CYP4Z1: variants seen among roughly 807,000 people sequenced by gnomAD.
CYP4Z1 encodes cytochrome P450 family 4 subfamily Z member 1, also known as cytochrome P450 4Z1.
CYP4Z1 carries 41 observed loss-of-function variants against 54.2 expected under a neutral mutation model. That is an observed-to-expected ratio of 0.76 (90% confidence interval 0.59 to 0.98). The LOEUF is 0.98. Among genes scored for constraint, CYP4Z1 ranks in the 50% least tolerant of loss-of-function variants. The probability of loss-of-function intolerance (pLI) is 0.00; values close to 1 mark genes in which losing one functional copy is unlikely to be tolerated. For missense variants in CYP4Z1, 513 were observed against 599.0 expected (o/e 0.86, Z 1.50); for synonymous variants, 163 against 206.2 (o/e 0.79, Z 1.79).
chr1:47,079,767 T>A (rs1226078789), intron 2 of CYP4Z1, among the ~76,000 whole-genome samples: 5 of 151,868 alleles, frequency 3.3e-5, no homozygotes, highest in African/African-American at 9.7e-5. Context: ...AGTGAAGGGA[T>A]AGATCAGGTT....
intron 7 of CYP4Z1, among the ~76,000 whole-genome samples, chr1:47,097,432 G>A (rs1390491258): frequency 6.6e-6 from 1 of 152,026 alleles, no homozygotes; most frequent in East Asian, 1.9e-4. Flanking sequence ...TTTTGTCTGG[G>A]GTTTTTATAG....
intron 6 of CYP4Z1, among the ~76,000 whole-genome samples, chr1:47,091,431 A>G (rs531842531): frequency 6.9e-6 from 1 of 144,178 alleles, no homozygotes; most frequent in East Asian, 2.2e-4. Context: ...TTGTGGTGAT[A>G]TTTTATAGGA....
intron 6 of CYP4Z1, among the ~76,000 whole-genome samples, chr1:47,090,548 TAA>T (rs1036249652): frequency 3.9e-5 from 6 of 152,386 alleles, no homozygotes; most frequent in Admixed American, 2.0e-4. Context: ...AAATATGCGT[TAA>T]AAAGAGGTTT....
Position 47,092,348 on chromosome 1 carries a change from A to C in CYP4Z1, c.773-2218A>C, listed in dbSNP as rs2813850. On this transcript the variant is annotated intron_variant, in intron 6 of 11. Coordinates refer to ENST00000334194, the MANE Select transcript of CYP4Z1 (RefSeq NM_178134.3). ...TATTATAAAAGACCAAAGTGGCCAC[A>C]TTCAGGAGGTTCTCTAAGGTGCTAT... 1.6e-3 allele frequency among the ~76,000 whole-genome samples: 246 copies of C among 151,904 alleles called. 2 individuals carry two copies. Among genetic ancestry groups the C allele is most frequent in the African/African-American group, 3.2e-3 (134 of 41,246 alleles).
intron 8 of CYP4Z1, among the ~76,000 whole-genome samples, chr1:47,101,548 G>C (rs1225397635): frequency 6.6e-6 from 1 of 151,966 alleles, no homozygotes; most frequent in South Asian, 2.1e-4. Flanking sequence ...CCATGTATTT[G>C]TACAGTTTCT....
chr1:47,067,598 G>A lies in CYP4Z1; in HGVS notation c.108G>A (p.Arg36=). The stretch of plus-strand genomic sequence containing the variant: ...AGGTAATCAGGTTGTACCAGAGGAG[G>A]AGATGGATGATCAGAGCCCTGCACC... ...LFQVIRLYQR[R]RWMIRALHLF... is the part of the protein sequence containing the mutation. Residue 36 remains arginine (R), a synonymous_variant, in exon 1 of 12, where the codon AGG becomes AGA. Transcript: ENST00000334194. 1 of 1,613,680 alleles carries A rather than the reference G, an allele frequency of 6.2e-7. No individual in the cohort carries two copies. The highest frequency in any genetic ancestry group is 2.2e-5 in the East Asian group (1 of 44,868).
chr1:47,061,793 T>C, the CYP4Z1 span, among the ~76,000 whole-genome samples: 2 of 152,134 alleles, frequency 1.3e-5, no homozygotes, highest in Non-Finnish European at 2.9e-5. Flanking sequence ...ACAAAATACT[T>C]GCAAACCAAT....
the CYP4Z1 span, among the ~76,000 whole-genome samples, chr1:47,055,988 T>G: frequency 6.6e-6 from 1 of 152,194 alleles, no homozygotes; most frequent in Admixed American, 6.5e-5. Flanking sequence ...CTCTTGCTTC[T>G]CTAGTTCTTT....
At chr1:47,058,674 A>G in the CYP4Z1 span, among the ~76,000 whole-genome samples, 1 of 152,066 alleles carries the variant, frequency 6.6e-6, no homozygotes, top group East Asian at 1.9e-4. Context: ...CCACACCTGT[A>G]AACACATGTA....
In CYP4Z1 at chr1:47,114,971, G is replaced by A. The variant is rs577089154; in HGVS notation, c.1202-558G>A. Among the ~76,000 whole-genome samples the A allele has an allele frequency of 9.6e-3, 1,454 of 152,144 alleles. 19 individuals carry two copies. The highest frequency in any genetic ancestry group is 0.033 in the African/African-American group (1,376 of 41,494). ...GTATATACCCAAAGGATTATAAATC[G>A]TGCCGCTATAAAGACACATGCACAC... On this transcript the variant is annotated intron_variant, in intron 9 of 11. Transcript: ENST00000334194.
chr1:47,059,043 T>C, the CYP4Z1 span, among the ~76,000 whole-genome samples: 1 of 152,158 alleles, frequency 6.6e-6, no homozygotes, highest in Non-Finnish European at 1.5e-5. Context: ...TAATACAATA[T>C]AAATTAAATC....
intron 9 of CYP4Z1, among the ~76,000 whole-genome samples, chr1:47,110,991 C>G (rs1644788625): frequency 6.6e-6 from 1 of 151,776 alleles, no homozygotes; most frequent in African/African-American, 2.4e-5. Context: ...GTGATCTTTG[C>G]TGTGTGGATG....
chr1:47,084,613 G>A lies in CYP4Z1; in HGVS notation c.493-7G>A. 1.3e-6 allele frequency: 2 copies of A among 1,571,460 alleles called. No homozygotes were observed. Among genetic ancestry groups the A allele is most frequent in the Non-Finnish European group, 8.6e-7 (1 of 1,160,618 alleles). On this transcript the variant is annotated splice_polypyrimidine_tract_variant and splice_region_variant and intron_variant, in intron 4 of 11. Transcript: ENST00000334194. ...TGTATGATCATGATATTCATCCCCT[G>A]CCCCAGAACAAATGGGAGGAACACA...
the CYP4Z1 span, among the ~76,000 whole-genome samples, chr1:47,057,335 A>AAAAAAAAAAAAAAAAAAAAT: frequency 7.0e-5 from 2 of 28,486 alleles, no homozygotes; most frequent in African/African-American, 9.1e-5. Flanking sequence ...AAGAAAAAAA[A>AAAAAAAAAAAAAAAAAAAAT]ATATATATAT....
At chr1:47,116,593 G>A (rs755464454) in intron 10 of CYP4Z1, 57 bp from the exon 11 acceptor site, 162 of 1,199,410 alleles carry the variant, frequency 1.4e-4, no homozygotes, top group Non-Finnish European at 1.9e-4. Context: ...TTTTGTTTTT[G>A]TTTTTTGTGG....
At chr1:47,115,775 T>C (rs1202497439) in intron 10 of CYP4Z1, among the ~76,000 whole-genome samples, 182 bp downstream of exon 10, 1 of 152,190 alleles carries the variant, frequency 6.6e-6, no homozygotes, top group Non-Finnish European at 1.5e-5. Context: ...TCACCAGAGT[T>C]CCATGATGAT....
intron 8 of CYP4Z1, among the ~76,000 whole-genome samples, chr1:47,105,470 G>A (rs1209845616): frequency 6.6e-6 from 1 of 152,176 alleles, no homozygotes; most frequent in East Asian, 1.9e-4. Context: ...TATTGTAGGA[G>A]TCCGTGGTGG....
At chr1:47,115,654 A>C (rs1484782708) in intron 10 of CYP4Z1, 61 bp downstream of exon 10, 1 of 1,473,656 alleles carries the variant, frequency 6.8e-7, no homozygotes, top group Non-Finnish European at 9.4e-7. Context: ...GAAGAGAAGC[A>C]TCTTCACAGT....
Position 47,115,571 on chromosome 1 carries a change from C to T in CYP4Z1, c.1244C>T (p.Pro415Leu). 2.5e-6 allele frequency: 4 copies of T among 1,613,606 alleles called. No individual in the cohort carries two copies. The highest frequency in any genetic ancestry group is 3.4e-6 in the Non-Finnish European group (4 of 1,179,758). The change falls in exon 10 of 12, where the codon CCC (proline) becomes CTC (leucine). Residue 415 changes from proline (P) to leucine (L), a missense_variant. Pro to Leu is a moderately conservative substitution (Grantham distance 98). Transcript: ENST00000334194. ...FINIWALHHN[P>L]YFWEDPQVFN... ...AATATTTGGGCTCTTCACCACAACC[C>T]CTATTTCTGGGAAGACCCTCAGGTA...
Sources: gnomAD v4.1 joint callset for allele counts (sites outside exome capture counted in the v4.1 genomes callset) on GRCh38, gnomAD v4.1.1 for gene constraint, MANE v1.5 for transcripts, NCBI Gene and HGNC (gene_info 2026-07-23, HGNC 2026-07-21) for gene names.